The following SLC17A1 variants were observed in gnomAD, a reference collection of about 807,000 sequenced individuals.
SLC17A1 encodes sodium-dependent phosphate transport protein 1.
In SLC17A1, 51 loss-of-function variants were observed where a neutral mutation model predicts 53.5. That is an observed-to-expected ratio of 0.95 (90% CI 0.76 to 1.20). The LOEUF (loss-of-function observed/expected upper bound fraction) is 1.20. Among genes scored for constraint, SLC17A1 ranks in the 50% most tolerant of loss-of-function variants. The pLI is 0.00. For synonymous variants in SLC17A1, 179 were observed against 198.8 expected (o/e 0.90, Z 0.84); for missense variants, 538 against 568.2 (o/e 0.95, Z 0.54).
intron 6 of SLC17A1, among the ~76,000 whole-genome samples, chr6:25,815,026 CACACAA>C (rs1764296067): frequency 2.1e-5 from 3 of 142,864 alleles, no homozygotes; most frequent in South Asian, 2.2e-4. Flanking sequence ...CACACACACA[CACACAA>C]AGAATGAAAT....
chr6:25,739,383 TG>T, the SLC17A1 span, among the ~76,000 whole-genome samples: 41,261 of 151,994 alleles, frequency 0.27, 6,807 homozygotes, highest in East Asian at 0.7. Flanking sequence ...ACCATCACAC[TG>T]GAAGTTAGAA....
the SLC17A1 span, among the ~76,000 whole-genome samples, chr6:25,742,945 A>T: frequency 6.6e-6 from 1 of 152,220 alleles, no homozygotes; most frequent in Non-Finnish European, 1.5e-5. Flanking sequence ...TATATGAAAC[A>T]ACAAAGATGT....
intron 2 of SLC17A1, among the ~76,000 whole-genome samples, chr6:25,828,075 A>G (rs1764815264): frequency 6.6e-6 from 1 of 152,140 alleles, no homozygotes; most frequent in African/African-American, 2.4e-5. Context: ...AACTAAAGAG[A>G]CAAGTTATAT....
chr6:25,798,130 T>G (rs1278958699), intron 12 of SLC17A1, among the ~76,000 whole-genome samples: 1 of 152,180 alleles, frequency 6.6e-6, no homozygotes, highest in East Asian at 1.9e-4. Flanking sequence ...TCATTGATAT[T>G]CAACACCTGG....
the SLC17A1 span, chr6:25,777,825 C>T: frequency 1.1e-6 from 1 of 913,864 alleles, no homozygotes; most frequent in Admixed American, 1.8e-5. Flanking sequence ...CTGATATTAA[C>T]CCTTTGTTTG....
chr6:25,770,040 CA>C, the SLC17A1 span: 1 of 1,600,358 alleles, frequency 6.2e-7, no homozygotes, highest in Non-Finnish European at 8.6e-7. Flanking sequence ...CAACTAAAGA[CA>C]AACAGTAACT....
the SLC17A1 span, among the ~76,000 whole-genome samples, chr6:25,749,058 C>T: frequency 2.3e-4 from 35 of 152,190 alleles, 1 homozygote; most frequent in Non-Finnish European, 8.8e-5. Context: ...TCAGCACAGA[C>T]CCTTCACAGG....
the SLC17A1 span, among the ~76,000 whole-genome samples, chr6:25,748,053 T>C: frequency 2.3e-3 from 349 of 152,344 alleles, 1 homozygote; most frequent in African/African-American, 7.7e-3. Flanking sequence ...AAAAAACACT[T>C]AGTAAAACAA....
At chr6:25,814,995 A>ACG (rs1349448530) in intron 6 of SLC17A1, among the ~76,000 whole-genome samples, 1 of 58,956 alleles carries the variant, frequency 1.7e-5, no homozygotes, top group Non-Finnish European at 3.0e-5. Flanking sequence ...ACACAAACAC[A>ACG]CACACACACA....
chr6:25,775,055 T>TGTG, the SLC17A1 span, among the ~76,000 whole-genome samples: 1 of 152,044 alleles, frequency 6.6e-6, no homozygotes, highest in Admixed American at 6.6e-5. Flanking sequence ...GTGGGTCAGG[T>TGTG]GTGGTGGCTC....
chr6:25,775,219 C>A, the SLC17A1 span, among the ~76,000 whole-genome samples: 3 of 151,748 alleles, frequency 2.0e-5, no homozygotes, highest in African/African-American at 7.3e-5. Flanking sequence ...GTAGTCCCAG[C>A]TACTTAGGAG....
the SLC17A1 span, among the ~76,000 whole-genome samples, chr6:25,764,257 T>A: frequency 6.6e-6 from 1 of 152,182 alleles, no homozygotes; most frequent in Non-Finnish European, 1.5e-5. Flanking sequence ...TCCAGATATT[T>A]GTCCCTCTGT....
At chr6:25,798,343 C>A (rs532599067) in intron 12 of SLC17A1, among the ~76,000 whole-genome samples, 2 of 152,192 alleles carry the variant, frequency 1.3e-5, no homozygotes, top group South Asian at 4.1e-4. Flanking sequence ...ATTTGAAAAT[C>A]ATTTTAGTCA....
chr6:25,770,011 A>G, the SLC17A1 span: 1,060,981 of 1,547,218 alleles, frequency 0.69, 374,704 homozygotes, highest in East Asian at 0.84. Flanking sequence ...AGTCCTCACA[A>G]TGAAAACTGT....
chr6:25,741,415 C>CA, the SLC17A1 span, among the ~76,000 whole-genome samples: 15,015 of 82,646 alleles, frequency 0.18, 1,529 homozygotes, highest in African/African-American at 0.3. Context: ...ACTAAGAATC[C>CA]AAAAAAAAAA....
At chr6:25,755,017 G>T in the SLC17A1 span, among the ~76,000 whole-genome samples, 249 of 145,110 alleles carry the variant, frequency 1.7e-3, 5 homozygotes, top group East Asian at 0.028. Context: ...AAGTATAGCT[G>T]AACAGAGACA....
At chr6:25,753,608 T>G in the SLC17A1 span, among the ~76,000 whole-genome samples, 6 of 152,152 alleles carry the variant, frequency 3.9e-5, no homozygotes, top group African/African-American at 1.4e-4. Context: ...TAGAACATAC[T>G]GTTGGAATTA....
intron 12 of SLC17A1, among the ~76,000 whole-genome samples, chr6:25,787,070 A>AAATAAATAAAT (rs1226954553): frequency 1.3e-5 from 2 of 151,698 alleles, no homozygotes; most frequent in Admixed American, 6.6e-5. Context: ...ATAAATAAAT[A>AAATAAATAAAT]AATAAGAGTG....
At position 25,812,762 on chromosome 6, in the gene SLC17A1, C is replaced by T. The variant is rs952151959; in HGVS notation, c.897+69G>A. On this transcript the variant is annotated intron_variant, in intron 8 of 12. Coordinates refer to ENST00000244527, the MANE Select transcript of SLC17A1 (RefSeq NM_005074.5). ...AGCTGGCAAGAGCTGCGACTAGGGTCGTTAGAGACAGACAAATGTACACAG... is the reference window on the plus strand; with the variant it reads ...AGCTGGCAAGAGCTGCGACTAGGGTTGTTAGAGACAGACAAATGTACACAG... 9.3e-5 allele frequency: 110 copies of T among 1,184,384 alleles called. No individual in the cohort carries two copies. The African/African-American group carries it at 1.3e-3, about 14-fold the overall frequency. The allele number at this position is 1,184,384 out of a possible 1,614,324, so 73.4% of individuals were successfully genotyped here.
Sources: gnomAD v4.1 joint callset for allele counts (sites outside exome capture counted in the v4.1 genomes callset) on GRCh38, gnomAD v4.1.1 for gene constraint, MANE v1.5 for transcripts, NCBI Gene and HGNC (gene_info 2026-07-23, HGNC 2026-07-21) for gene names.